Variants in CSMD2 observed in about 807,000 individuals in gnomAD.
CSMD2 encodes the protein CUB and Sushi multiple domains 2, also known as CUB and sushi domain-containing protein 2.
CSMD2 carries 130 observed loss-of-function variants against 398.5 expected under a neutral mutation model. That is an observed-to-expected ratio of 0.33 (90% CI 0.28 to 0.38). The LOEUF (loss-of-function observed/expected upper bound fraction) is 0.38, where lower values mean the gene tolerates loss of function less well. Among genes scored for constraint, CSMD2 ranks in the 10% least tolerant of loss-of-function variants. The pLI, the probability that CSMD2 is intolerant of heterozygous loss-of-function variation, is 1.00. For missense variants in CSMD2, 3,829 were observed against 4,764.9 expected (o/e 0.80, Z 5.78); for synonymous variants, 1,828 against 1,908.5 (o/e 0.96, Z 1.10).
intron 3 of CSMD2, among the ~76,000 whole-genome samples, chr1:34,012,997 G>A (rs1285240481): frequency 2.6e-5 from 4 of 152,246 alleles, no homozygotes; most frequent in East Asian, 1.9e-4. Context: ...GTGAACCAAC[G>A]ATTAGCCTTT....
At chr1:33,740,124 C>T (rs916716192) in intron 14 of CSMD2, among the ~76,000 whole-genome samples, 5 of 152,098 alleles carry the variant, frequency 3.3e-5, no homozygotes, top group South Asian at 2.1e-4. Flanking sequence ...GGCAATTGTT[C>T]GGTGCGGCAC....
intron 2 of CSMD2, among the ~76,000 whole-genome samples, chr1:34,045,252 A>G (rs1162750735): frequency 6.6e-6 from 1 of 152,172 alleles, no homozygotes; most frequent in East Asian, 1.9e-4. Flanking sequence ...TCTCTGGGAA[A>G]GGATATGCCC....
chr1:33,696,687 C>T (rs1023960614), intron 24 of CSMD2, among the ~76,000 whole-genome samples: 8 of 152,106 alleles, frequency 5.3e-5, no homozygotes, highest in Non-Finnish European at 1.2e-4. Flanking sequence ...GAGGCAGCAG[C>T]ACTGGGAACA....
intron 1 of CSMD2, among the ~76,000 whole-genome samples, chr1:34,092,824 C>T (rs1476578426): frequency 1.8e-4 from 27 of 152,212 alleles, no homozygotes; most frequent in African/African-American, 6.0e-4. Context: ...AGCAGCGAGG[C>T]TGGGGGAGGG....
chr1:33,853,411 C>A (rs970649260), intron 5 of CSMD2, among the ~76,000 whole-genome samples: 9 of 152,334 alleles, frequency 5.9e-5, no homozygotes, highest in African/African-American at 1.9e-4. Context: ...ATTTAGTAAG[C>A]AATTCTTTTA....
At chr1:33,747,586 C>T (rs369795688) in intron 13 of CSMD2, among the ~76,000 whole-genome samples, 12 of 152,232 alleles carry the variant, frequency 7.9e-5, no homozygotes, top group African/African-American at 2.6e-4. Context: ...AACAAGGAAG[C>T]ATGGGGTAGG....
At chr1:33,542,084 T>C (rs1445391266) in intron 58 of CSMD2, among the ~76,000 whole-genome samples, 1 of 151,864 alleles carries the variant, frequency 6.6e-6, no homozygotes, top group Admixed American at 6.6e-5. Context: ...TCAGAGGGAG[T>C]CGAAATCACA....
chr1:33,605,925 C>T (rs1874045), intron 41 of CSMD2: 920,632 of 1,612,938 alleles, frequency 0.57, 265,755 homozygotes, highest in Admixed American at 0.66. Flanking sequence ...TGAGTTGGTT[C>T]TTTCCAACTC....
chr1:33,590,701 C>T (rs1360019018), intron 44 of CSMD2, among the ~76,000 whole-genome samples: 4 of 151,590 alleles, frequency 2.6e-5, no homozygotes, highest in Non-Finnish European at 5.9e-5. Flanking sequence ...AACTCTAGGG[C>T]AGGGGACATT....
chr1:33,589,136 C>T (rs2148758397), intron 44 of CSMD2, among the ~76,000 whole-genome samples: 1 of 152,292 alleles, frequency 6.6e-6, no homozygotes, highest in Admixed American at 6.5e-5. Flanking sequence ...CTAAGAGGCA[C>T]TCTTGAGGTA....
chr1:34,111,491 C>G (rs1246713678), intron 1 of CSMD2, among the ~76,000 whole-genome samples: 1 of 152,170 alleles, frequency 6.6e-6, no homozygotes, highest in Non-Finnish European at 1.5e-5. Context: ...TGTCAGTAAG[C>G]AGGAAGTTGA....
chr1:33,855,377 C>T (rs1176930272), intron 5 of CSMD2, among the ~76,000 whole-genome samples: 1 of 152,058 alleles, frequency 6.6e-6, no homozygotes, highest in African/African-American at 2.4e-5. Context: ...TCCCTATGGC[C>T]CCCATTTGAG....
intron 2 of CSMD2, among the ~76,000 whole-genome samples, chr1:34,041,764 T>C (rs1192127020): frequency 6.6e-6 from 1 of 152,118 alleles, no homozygotes; most frequent in Admixed American, 6.5e-5. Context: ...CCTAGGGCCA[T>C]GCTTGACACA....
intron 5 of CSMD2, among the ~76,000 whole-genome samples, chr1:33,850,034 T>G (rs908399560): frequency 6.6e-6 from 1 of 151,988 alleles, no homozygotes; most frequent in Admixed American, 6.6e-5. Context: ...TCCTCACTGT[T>G]CAAAACTGGC....
intron 1 of CSMD2, among the ~76,000 whole-genome samples, chr1:34,113,264 T>G (rs1661273901): frequency 6.6e-6 from 1 of 152,156 alleles, no homozygotes; most frequent in African/African-American, 2.4e-5. Context: ...AGAGAAAGTG[T>G]GGGTCTTAAA....
chr1:33,635,412 G>A lies in CSMD2; in HGVS notation c.4970-82C>T. On this transcript the variant is annotated intron_variant, in intron 30 of 70. Transcript: ENST00000373381. This position sits in a 1 kb window ranked among gnomAD's most constrained non-coding sequence, Gnocchi z 5.0. ...CATCCTCTGTTCTGCCCCAGCCTGA[G>A]CTTCTGGCCCCAGTAGGGCTGCCCT... 1.2e-6 allele frequency: 1 copy of A among 852,914 alleles called. No homozygotes were observed. Among genetic ancestry groups the A allele is most frequent in the Non-Finnish European group, 1.9e-6 (1 of 528,432 alleles). 52.8% of individuals were successfully genotyped at this position (852,914 alleles called of 1,614,324 possible). A position where few individuals can be genotyped will look rare whatever the true frequency, so the allele number is the denominator to read the frequency against.
At chr1:34,048,872 A>G (rs950379164) in intron 2 of CSMD2, among the ~76,000 whole-genome samples, 1 of 152,142 alleles carries the variant, frequency 6.6e-6, no homozygotes, top group Non-Finnish European at 1.5e-5. Flanking sequence ...TGTGAACTGG[A>G]CAGAAATGCT....
intron 5 of CSMD2, among the ~76,000 whole-genome samples, chr1:33,898,694 C>G (rs575157661): frequency 1.3e-5 from 2 of 152,090 alleles, no homozygotes; most frequent in South Asian, 4.2e-4. Context: ...AGGGTAATTA[C>G]AAAAAGAGGG....
intron 9 of CSMD2, among the ~76,000 whole-genome samples, chr1:33,819,214 T>A (rs1331219688): frequency 6.6e-6 from 1 of 152,150 alleles, no homozygotes; most frequent in Non-Finnish European, 1.5e-5. Flanking sequence ...GGCAGGGCCC[T>A]GGGGAACAAA....
Sources: allele counts gnomAD v4.1 joint callset (sites outside exome capture counted in the v4.1 genomes callset), GRCh38; gene constraint gnomAD v4.1.1; non-coding constraint Gnocchi (gnomAD v3.1); transcripts MANE v1.5; gene names NCBI Gene and HGNC (gene_info 2026-07-23, HGNC 2026-07-21).